The following CNTN4 variants were observed in gnomAD, a reference collection of about 807,000 sequenced individuals.
CNTN4 encodes the protein contactin-4.
Under a neutral mutation model 122.5 loss-of-function variants are expected in CNTN4, and 77 were observed. The ratio of observed to expected loss-of-function variants is 0.63; its 90% CI spans 0.52 to 0.76. The LOEUF (loss-of-function observed/expected upper bound fraction) is 0.76, where lower values mean the gene tolerates loss of function less well. Ranked by LOEUF, CNTN4 falls within the 30% of genes least tolerant of loss-of-function variation. The pLI is 0.00. For missense variants in CNTN4, 1,256 were observed against 1,259.1 expected (o/e 1.00, Z 0.04); for synonymous variants, 512 against 447.0 (o/e 1.15, Z -1.83).
intron 14 of CNTN4, among the ~76,000 whole-genome samples, chr3:2,993,307 T>C (rs1695217339): frequency 6.6e-6 from 1 of 151,910 alleles, no homozygotes. Context: ...TAATTTTTTT[T>C]TTTTTTTGAG....
chr3:2,487,572 C>CAGATTA (rs1398886357), intron 3 of CNTN4, among the ~76,000 whole-genome samples: 1 of 152,184 alleles, frequency 6.6e-6, no homozygotes, highest in Non-Finnish European at 1.5e-5. Context: ...TCCAAATACT[C>CAGATTA]TTTAGCACAG....
chr3:2,512,274 T>A (rs556049040), intron 3 of CNTN4, among the ~76,000 whole-genome samples: 1 of 152,056 alleles, frequency 6.6e-6, no homozygotes, highest in South Asian at 2.1e-4. Flanking sequence ...ATCTCCTTTT[T>A]TATGAGACAG....
At chr3:2,490,258 C>A (rs2076278938) in intron 3 of CNTN4, among the ~76,000 whole-genome samples, 1 of 152,340 alleles carries the variant, frequency 6.6e-6, no homozygotes, top group African/African-American at 2.4e-5. Flanking sequence ...GTAGGCTGCA[C>A]TTTCTCAAAG....
At chr3:2,358,368 G>C (rs1394153003) in intron 3 of CNTN4, among the ~76,000 whole-genome samples, 1 of 152,012 alleles carries the variant, frequency 6.6e-6, no homozygotes, top group African/African-American at 2.4e-5. Context: ...CCAGTGCTTG[G>C]CATAGGAAGC....
chr3:2,722,204 A>C (rs981861438), intron 4 of CNTN4, among the ~76,000 whole-genome samples: 3 of 152,156 alleles, frequency 2.0e-5, no homozygotes. Flanking sequence ...ACTTCACAAT[A>C]CGAATGACCT....
At chr3:2,354,466 G>A (rs999753760) in intron 3 of CNTN4, among the ~76,000 whole-genome samples, 33 of 152,260 alleles carry the variant, frequency 2.2e-4, no homozygotes, top group African/African-American at 7.9e-4. Context: ...GGGAGGCGGA[G>A]GTTACCGTGA....
At chr3:2,113,516 A>G (rs2033116686) in intron 2 of CNTN4, among the ~76,000 whole-genome samples, 1 of 152,188 alleles carries the variant, frequency 6.6e-6, no homozygotes, top group African/African-American at 2.4e-5. Flanking sequence ...AGATTGATAG[A>G]CATTGATTTG....
At chr3:2,270,229 G>A (rs180721470) in intron 2 of CNTN4, among the ~76,000 whole-genome samples, 1,190 of 37,244 alleles carry the variant, frequency 0.032, 267 homozygotes, top group African/African-American at 0.068. Flanking sequence ...GATTACAGGC[G>A]TGAGCCACCG....
intron 3 of CNTN4, among the ~76,000 whole-genome samples, chr3:2,510,137 G>C (rs987648462): frequency 2.0e-5 from 3 of 152,044 alleles, no homozygotes; most frequent in Non-Finnish European, 2.9e-5. Context: ...AGGTAACAAA[G>C]ACCCTCCATC....
At chr3:2,401,049 G>A (rs950052471) in intron 3 of CNTN4, among the ~76,000 whole-genome samples, 2 of 151,920 alleles carry the variant, frequency 1.3e-5, no homozygotes, top group African/African-American at 4.8e-5. Context: ...CCACCTTTCA[G>A]GTATGTATAC....
chr3:2,816,615 G>A (rs984261805), intron 6 of CNTN4, among the ~76,000 whole-genome samples: 2 of 151,346 alleles, frequency 1.3e-5, no homozygotes, highest in Admixed American at 1.3e-4. Context: ...GAAGTCAAGA[G>A]ATCGAGACTA....
At chr3:2,443,767 A>C (rs2653494) in intron 3 of CNTN4, among the ~76,000 whole-genome samples, 86,089 of 151,878 alleles carry the variant, frequency 0.57, 25,806 homozygotes, top group Non-Finnish European at 0.67. Flanking sequence ...AAAGGGACCA[A>C]AAGCAGTGAC....
At chr3:2,585,771 T>A (rs2080171187) in intron 4 of CNTN4, among the ~76,000 whole-genome samples, 1 of 149,862 alleles carries the variant, frequency 6.7e-6, no homozygotes, top group African/African-American at 2.5e-5. Context: ...CACACCAACA[T>A]GGCACACGTA....
At chr3:2,783,569 G>C (rs1195279072) in intron 6 of CNTN4, among the ~76,000 whole-genome samples, 1 of 152,292 alleles carries the variant, frequency 6.6e-6, no homozygotes, top group East Asian at 1.9e-4. Context: ...CAGGATTCAG[G>C]CTTTTTCTCA....
chr3:2,424,234 G>A (rs1380112428), intron 3 of CNTN4, among the ~76,000 whole-genome samples: 4 of 65,734 alleles, frequency 6.1e-5, no homozygotes, highest in Non-Finnish European at 8.7e-5. Context: ...CCCTACAGCA[G>A]GCCCTGGTGT....
intron 13 of CNTN4, among the ~76,000 whole-genome samples, chr3:2,967,404 C>G (rs114063383): frequency 2.6e-5 from 4 of 152,096 alleles, no homozygotes; most frequent in African/African-American, 9.7e-5. Flanking sequence ...TCTGGCCTCA[C>G]GACTCCTAAA....
chr3:2,655,445 C>G (rs1311441861), intron 4 of CNTN4, among the ~76,000 whole-genome samples: 1 of 152,116 alleles, frequency 6.6e-6, no homozygotes, highest in Non-Finnish European at 1.5e-5. Flanking sequence ...CTCTGCTGTT[C>G]TCATAAAAGT....
intron 2 of CNTN4, among the ~76,000 whole-genome samples, chr3:2,309,600 A>G (rs922116238): frequency 2.0e-5 from 3 of 152,068 alleles, no homozygotes; most frequent in Non-Finnish European, 4.4e-5. Context: ...GAAATGACAG[A>G]TGTATTATAC....
At chr3:2,359,802 G>A (rs564806646) in intron 3 of CNTN4, among the ~76,000 whole-genome samples, 2 of 152,280 alleles carry the variant, frequency 1.3e-5, no homozygotes, top group South Asian at 2.1e-4. Flanking sequence ...GCCTCCCAAA[G>A]TGCTGGGATT....
Sources: gnomAD v4.1 joint callset for allele counts (sites outside exome capture counted in the v4.1 genomes callset) on GRCh38, gnomAD v4.1.1 for gene constraint, MANE v1.5 for transcripts, NCBI Gene and HGNC (gene_info 2026-07-23, HGNC 2026-07-21) for gene names.